The following CDH13 variants were observed in gnomAD, a reference collection of about 807,000 sequenced individuals.
CDH13 encodes the protein cadherin-13.
CDH13 carries 24 observed loss-of-function variants against 63.8 expected under a neutral mutation model. The observed-to-expected ratio is 0.38, with a 90% CI of 0.27 to 0.53. The LOEUF (loss-of-function observed/expected upper bound fraction) is 0.53. Among genes scored for constraint, CDH13 ranks in the 20% least tolerant of loss-of-function variants. CDH13 has a pLI of 0.85. For missense variants in CDH13, 1,049 were observed against 903.1 expected, an observed-to-expected ratio of 1.16 and a Z score of -2.07; for synonymous variants, 503 against 355.3, an observed-to-expected ratio of 1.42 and a Z score of -4.67.
chr16:82,890,606 T>C (rs140253389), intron 2 of CDH13, among the ~76,000 whole-genome samples: 148 of 151,886 alleles, frequency 9.7e-4, no homozygotes, highest in Admixed American at 1.6e-3. Flanking sequence ...TTTGTTGTCC[T>C]ACATAGTCTT....
intron 2 of CDH13, among the ~76,000 whole-genome samples, chr16:82,937,849 A>C (rs2042718724): frequency 6.6e-6 from 1 of 152,232 alleles, no homozygotes; most frequent in South Asian, 2.1e-4. Flanking sequence ...TGTTTTTTAA[A>C]TATTTCTAAA....
intron 6 of CDH13, among the ~76,000 whole-genome samples, chr16:83,348,351 G>C (rs992472080): frequency 3.3e-5 from 5 of 152,194 alleles, no homozygotes; most frequent in African/African-American, 1.2e-4. Flanking sequence ...TAGTTCTTCG[G>C]ATGAAATAGC....
chr16:83,535,812 A>G (rs1334086675), intron 7 of CDH13, among the ~76,000 whole-genome samples: 2 of 142,156 alleles, frequency 1.4e-5, no homozygotes, highest in African/African-American at 2.5e-5. Context: ...AGCAAGCAAG[A>G]GAAAAAGAAG....
At chr16:83,049,655 G>A (rs538452803) in intron 3 of CDH13, among the ~76,000 whole-genome samples, 3 of 152,226 alleles carry the variant, frequency 2.0e-5, no homozygotes, top group South Asian at 2.1e-4. Context: ...ATGTTGCAAG[G>A]TTCATCCACA....
intron 3 of CDH13, among the ~76,000 whole-genome samples, chr16:83,037,549 C>G (rs1187901301): frequency 1.3e-5 from 2 of 152,062 alleles, no homozygotes; most frequent in Non-Finnish European, 2.9e-5. Context: ...GATTGTCTAG[C>G]CTGGAGGATG....
intron 2 of CDH13, among the ~76,000 whole-genome samples, chr16:82,986,989 C>G (rs1911023514): frequency 6.6e-6 from 1 of 152,148 alleles, no homozygotes; most frequent in African/African-American, 2.4e-5. Context: ...TCCATCTTAT[C>G]TTGATGGAAT....
chr16:83,414,395 A>G, intron 6 of CDH13, among the ~76,000 whole-genome samples: 1 of 152,202 alleles, frequency 6.6e-6, no homozygotes, highest in Non-Finnish European at 1.5e-5. Context: ...GAGGAAACAA[A>G]TATATATGTT....
At chr16:83,232,884 T>C (rs1290212494) in intron 5 of CDH13, among the ~76,000 whole-genome samples, 2 of 152,228 alleles carry the variant, frequency 1.3e-5, no homozygotes, top group Non-Finnish European at 2.9e-5. Context: ...TCGTAGTTTA[T>C]GCCTTAAAGG....
intron 3 of CDH13, among the ~76,000 whole-genome samples, chr16:83,070,920 A>G (rs890884536): frequency 1.4e-5 from 2 of 144,378 alleles, no homozygotes; most frequent in African/African-American, 5.0e-5. Context: ...ATGATATACA[A>G]CCAATTTAAG....
At position 82,761,331 on chromosome 16, in the gene CDH13, G is replaced by C. The variant is rs2034848954; in HGVS notation, c.46-97031G>C. 1.3e-5 allele frequency among the ~76,000 whole-genome samples: 2 copies of C among 152,008 alleles called. 1 individual carries two copies. The highest frequency in any genetic ancestry group is 4.1e-4 in the South Asian group (2 of 4,820). On this transcript the variant is annotated intron_variant, in intron 1 of 13. Coordinates refer to ENST00000567109, the MANE Select transcript of CDH13 (RefSeq NM_001257.5). ...CCATGCCCGGCACATTTCAACACAT[G>C]AGATTTGGAGGTGACAAATATCCAA...
chr16:83,417,569 G>A (rs1234135766), intron 6 of CDH13, among the ~76,000 whole-genome samples: 1 of 152,134 alleles, frequency 6.6e-6, no homozygotes, highest in Non-Finnish European at 1.5e-5. Flanking sequence ...AGAATTTTCA[G>A]CTTGATAACA....
intron 5 of CDH13, among the ~76,000 whole-genome samples, chr16:83,287,655 A>C (rs532110444): frequency 6.6e-6 from 1 of 152,282 alleles, no homozygotes; most frequent in South Asian, 2.1e-4. Flanking sequence ...CTGATTCTAC[A>C]TTATGATGAC....
intron 1 of CDH13, among the ~76,000 whole-genome samples, chr16:82,746,194 TGTTTATATATAAA>T (rs1292147844): frequency 2.1e-5 from 2 of 96,822 alleles, no homozygotes; most frequent in Non-Finnish European, 5.0e-5. Context: ...GGTGTGTGTG[TGTTTATATATAAA>T]CACACTGTTT....
chr16:83,236,388 T>C (rs2040144721), intron 5 of CDH13, among the ~76,000 whole-genome samples: 2 of 152,214 alleles, frequency 1.3e-5, no homozygotes, highest in Non-Finnish European at 2.9e-5. Flanking sequence ...GAAACCTGTT[T>C]AAGCCAACAT....
chr16:83,546,467 GCTT>G (rs1288122729), intron 7 of CDH13, among the ~76,000 whole-genome samples: 4 of 149,216 alleles, frequency 2.7e-5, no homozygotes, highest in Non-Finnish European at 5.9e-5. Flanking sequence ...AATAGCTATT[GCTT>G]CTTTTTTTTT....
rs923552464 is a variant in CDH13, at chr16:82,644,251, A to C, written c.45+17114A>C. 6.6e-6 allele frequency among the ~76,000 whole-genome samples: 1 copy of C among 152,122 alleles called. No individual in the cohort carries two copies. The highest frequency in any genetic ancestry group is 2.4e-5 in the African/African-American group (1 of 41,412). On this transcript the variant is annotated intron_variant, in intron 1 of 13. Transcript: ENST00000567109. The surrounding 1 kb of genome is among the most constrained non-coding windows in gnomAD (Gnocchi z 5.7). ...GTAATGAGAAGTCAATCTAAGGTCT[A>C]AGGCTGGGAAAGGAGCTCCCACTTC...
chr16:83,649,436 A>C (rs11866399), intron 8 of CDH13, among the ~76,000 whole-genome samples: 152,000 of 152,304 alleles, frequency 1, 75,848 homozygotes, highest in Middle Eastern at 1. Context: ...GTGAAGGGAA[A>C]GAGAGGGTGG....
intron 10 of CDH13, among the ~76,000 whole-genome samples, chr16:83,694,287 C>G (rs1014831303): frequency 6.6e-6 from 1 of 152,188 alleles, no homozygotes; most frequent in Non-Finnish European, 1.5e-5. Flanking sequence ...GCAAGAGCAT[C>G]CAGTTTGCTG....
rs1340770288 is a variant in CDH13, at chr16:83,727,035, C to G, written c.1539-21073C>G. Among the ~76,000 whole-genome samples, 7 of 152,164 alleles carry G rather than the reference C, an allele frequency of 4.6e-5. No homozygotes were observed. The East Asian group carries it at 1.3e-3, about 29-fold the overall frequency. ...GTATTGATTTATGAGATATAATTCA[C>G]ATACCGTACAATTCACCCATTTAAA... is the stretch of plus-strand genomic sequence containing the variant. On this transcript the variant is annotated intron_variant, in intron 10 of 13. Coordinates refer to ENST00000567109, the MANE Select transcript of CDH13 (RefSeq NM_001257.5).
Sources: gnomAD v4.1 joint callset for allele counts (sites outside exome capture counted in the v4.1 genomes callset) on GRCh38, gnomAD v4.1.1 for gene constraint, Gnocchi (gnomAD v3.1) non-coding constraint, MANE v1.5 for transcripts, NCBI Gene and HGNC (gene_info 2026-07-23, HGNC 2026-07-21) for gene names.